The following PHACTR1 variants were observed in gnomAD, a reference collection of about 807,000 sequenced individuals.
PHACTR1 encodes the protein RPEL repeat containing 1.
Under a neutral mutation model 69.2 loss-of-function variants are expected in PHACTR1, and 16 were observed. The ratio of observed to expected loss-of-function variants is 0.23; its 90% CI spans 0.16 to 0.35. The LOEUF is 0.35. Among genes scored for constraint, PHACTR1 ranks in the 10% least tolerant of loss-of-function variants. The probability of loss-of-function intolerance (pLI) is 1.00; values close to 1 mark genes in which losing one functional copy is unlikely to be tolerated. For synonymous variants in PHACTR1, 312 were observed against 284.5 expected, an observed-to-expected ratio of 1.10 and a Z score of -0.97; for missense variants, 510 against 734.7, an observed-to-expected ratio of 0.69 and a Z score of 3.54.
At chr6:12,750,281 G>C (rs1766444607) in intron 4 of PHACTR1, among the ~76,000 whole-genome samples, 1 of 152,168 alleles carries the variant, frequency 6.6e-6, no homozygotes, top group Non-Finnish European at 1.5e-5. Context: ...CCTTTTCCTT[G>C]CACCAAGCAG....
intron 4 of PHACTR1, among the ~76,000 whole-genome samples, chr6:12,855,563 G>A (rs563561622): frequency 1.3e-5 from 2 of 152,290 alleles, no homozygotes; most frequent in South Asian, 2.1e-4. Flanking sequence ...AATATCGCAT[G>A]TTCTCATTTA....
chr6:12,837,526 CA>C (rs1316304989), intron 4 of PHACTR1, among the ~76,000 whole-genome samples: 1 of 152,164 alleles, frequency 6.6e-6, no homozygotes, highest in East Asian at 1.9e-4. Context: ...AGATATCTAG[CA>C]TCTTTTCCAT....
At chr6:13,089,573 A>T (rs1812883020) in intron 5 of PHACTR1, among the ~76,000 whole-genome samples, 1 of 152,186 alleles carries the variant, frequency 6.6e-6, no homozygotes, top group South Asian at 2.1e-4. Context: ...AAATTGCCTC[A>T]TCCAAAGTGT....
At chr6:13,045,407 A>T (rs60135902) in intron 4 of PHACTR1, among the ~76,000 whole-genome samples, 1,607 of 152,280 alleles carry the variant, frequency 0.011, 27 homozygotes, top group African/African-American at 0.036. Context: ...CCGTCATAAT[A>T]GTCATCAGCA....
chr6:13,282,706 AC>A (rs1780556187), intron 12 of PHACTR1, among the ~76,000 whole-genome samples: 1 of 151,846 alleles, frequency 6.6e-6, no homozygotes, highest in East Asian at 1.9e-4. Context: ...GCACTGCAAA[AC>A]CCCCTTGCAG....
At chr6:13,230,992 G>C (rs1436117199) in intron 10 of PHACTR1, among the ~76,000 whole-genome samples, 2 of 125,736 alleles carry the variant, frequency 1.6e-5, no homozygotes, top group Admixed American at 9.1e-5. Flanking sequence ...CTCCAGCCCA[G>C]GTGACAGAGA....
At chr6:13,260,602 G>C (rs1400404373) in intron 10 of PHACTR1, among the ~76,000 whole-genome samples, 1 of 152,094 alleles carries the variant, frequency 6.6e-6, no homozygotes, top group Non-Finnish European at 1.5e-5. Flanking sequence ...AAAAAGCTGA[G>C]GCTTAGAGAG....
At chr6:13,212,801 A>G (rs528602641) in intron 8 of PHACTR1, among the ~76,000 whole-genome samples, 1 of 152,028 alleles carries the variant, frequency 6.6e-6, no homozygotes, top group South Asian at 2.1e-4. Flanking sequence ...CTTCCCTCAA[A>G]TATCCTCAGG....
At chr6:12,756,879 A>G (rs1354979872) in intron 4 of PHACTR1, among the ~76,000 whole-genome samples, 1 of 151,998 alleles carries the variant, frequency 6.6e-6, no homozygotes, top group African/African-American at 2.4e-5. Flanking sequence ...GTACAGAAAA[A>G]CCTGTATTAT....
At chr6:12,995,113 T>A (rs1797267581) in intron 4 of PHACTR1, among the ~76,000 whole-genome samples, 1 of 151,810 alleles carries the variant, frequency 6.6e-6, no homozygotes, top group Non-Finnish European at 1.5e-5. Flanking sequence ...AGGGGTGGGA[T>A]TACAGACAAG....
chr6:12,727,251 G>T (rs1435959649), intron 3 of PHACTR1, among the ~76,000 whole-genome samples: 2 of 152,190 alleles, frequency 1.3e-5, no homozygotes, highest in African/African-American at 4.8e-5. Context: ...GGCAGATCGA[G>T]AGAAAAAGTA....
At chr6:12,757,494 G>A (rs1014900051) in intron 4 of PHACTR1, among the ~76,000 whole-genome samples, 7 of 152,138 alleles carry the variant, frequency 4.6e-5, no homozygotes, top group African/African-American at 1.7e-4. Context: ...GGGCTGTTGA[G>A]TTCAGAACAG....
intron 4 of PHACTR1, among the ~76,000 whole-genome samples, chr6:12,859,084 A>G (rs1780687492): frequency 6.6e-6 from 1 of 152,140 alleles, no homozygotes; most frequent in East Asian, 1.9e-4. Context: ...GTTGGACCCT[A>G]AATATACAAT....
At chr6:12,808,184 C>T (rs749098114) in intron 4 of PHACTR1, among the ~76,000 whole-genome samples, 6 of 152,154 alleles carry the variant, frequency 3.9e-5, no homozygotes, top group Non-Finnish European at 8.8e-5. Context: ...TGAACAGAAA[C>T]CAGTTTTTGG....
At chr6:13,171,752 T>C (rs1321372278) in intron 6 of PHACTR1, among the ~76,000 whole-genome samples, 1 of 151,762 alleles carries the variant, frequency 6.6e-6, no homozygotes, top group African/African-American at 2.4e-5. Flanking sequence ...CCCTATAACT[T>C]CCCTCCCCCA....
Position 12,762,819 on chromosome 6 carries a change from A to G in PHACTR1, c.250+13029A>G, listed in dbSNP as rs192081665. Among the ~76,000 whole-genome samples, 467 of 152,330 alleles carry G rather than the reference A, an allele frequency of 3.1e-3. 5 individuals are homozygous for G. The highest frequency in any genetic ancestry group is 0.01 in the Middle Eastern group (3 of 294). ...GCATCTATATAGGTCAGGTCCTTTC[A>G]GGTATCTTAAGAACATTTAAATTTC... On this transcript the variant is annotated intron_variant, in intron 4 of 14. Coordinates refer to ENST00000332995, the MANE Select transcript of PHACTR1 (RefSeq NM_030948.6).
chr6:13,251,551 T>C (rs964288740), intron 10 of PHACTR1, among the ~76,000 whole-genome samples: 1 of 152,108 alleles, frequency 6.6e-6, no homozygotes, highest in African/African-American at 2.4e-5. Flanking sequence ...TGCATGTGTG[T>C]GTTGAGTGTA....
At chr6:13,078,253 T>G (rs1810848093) in intron 5 of PHACTR1, among the ~76,000 whole-genome samples, 1 of 152,198 alleles carries the variant, frequency 6.6e-6, no homozygotes, top group Non-Finnish European at 1.5e-5. Flanking sequence ...ATTCCTTGGC[T>G]TGTAGAAGCA....
chr6:12,856,998 G>A (rs1344909968), intron 4 of PHACTR1, among the ~76,000 whole-genome samples: 1 of 152,158 alleles, frequency 6.6e-6, no homozygotes, highest in Non-Finnish European at 1.5e-5. Context: ...GAAACGGGGG[G>A]TTATTCTGTT....
Sources: gnomAD v4.1 joint callset for allele counts (sites outside exome capture counted in the v4.1 genomes callset) on GRCh38, gnomAD v4.1.1 for gene constraint, MANE v1.5 for transcripts, NCBI Gene and HGNC (gene_info 2026-07-23, HGNC 2026-07-21) for gene names.